Variants in WDFY3 observed in about 807,000 individuals in gnomAD.
WDFY3 encodes the protein WD repeat and FYVE domain containing 3, also known as WD repeat and FYVE domain-containing protein 3.
A neutral mutation model predicts 409.6 loss-of-function variants in WDFY3; 66 were observed. The observed-to-expected ratio is 0.16, with a 90% CI of 0.13 to 0.20. The LOEUF (loss-of-function observed/expected upper bound fraction) is 0.20, where lower values mean the gene tolerates loss of function less well. Ranked by LOEUF, WDFY3 falls within the 10% of genes least tolerant of loss-of-function variation. The pLI, the probability that WDFY3 is intolerant of heterozygous loss-of-function variation, is 1.00. For synonymous variants in WDFY3, 1,521 were observed against 1,537.1 expected (o/e 0.99, Z 0.25); for missense variants, 3,031 against 4,298.1 (o/e 0.71, Z 8.24).
chr4:84,917,965 TC>T (rs1467399317), intron 2 of WDFY3, among the ~76,000 whole-genome samples: 1 of 152,114 alleles, frequency 6.6e-6, no homozygotes, highest in East Asian at 1.9e-4. Context: ...TAAACCTCAC[TC>T]ATAATAAGAA....
rs758128781 is a variant in WDFY3 at position 84,826,971 on chromosome 4, C to T, written c.967G>A (p.Ala323Thr). The T allele has an allele frequency of 6.2e-6, 10 of 1,607,094 alleles. No individual in the cohort carries two copies. In the African/African-American group the frequency reaches 1.1e-4, roughly 17 times the overall value. Residue 323 changes from alanine to threonine, a missense_variant, in exon 10 of 68, where the codon GCA becomes ACA. Ala to Thr is a moderately conservative substitution (Grantham distance 58, BLOSUM62 0). This residue lies in a region of WDFY3 where 1,322 missense variants were observed against 1,697.9 expected (regional missense o/e 0.78). Coordinates refer to ENST00000295888, the MANE Select transcript of WDFY3 (RefSeq NM_014991.6). ...GCATCTTTGGATTCTGCCTCTTTTGCTTGTTCCAATCTAGAAAAGTATGAT... is the reference window on the plus strand; with the variant it reads ...GCATCTTTGGATTCTGCCTCTTTTGTTTGTTCCAATCTAGAAAAGTATGAT... ...LCDLLLRLEQ[A>T]KEAESKDALK... is the part of the protein sequence containing the mutation.
At chr4:84,859,690 C>G (rs1760295850) in intron 4 of WDFY3, among the ~76,000 whole-genome samples, 3 of 152,178 alleles carry the variant, frequency 2.0e-5, no homozygotes, top group Admixed American at 1.3e-4. Context: ...ATTCTCCTGC[C>G]TCAGCCTCCC....
intron 62 of WDFY3, among the ~76,000 whole-genome samples, chr4:84,684,491 C>T (rs988436004): frequency 2.0e-5 from 3 of 152,182 alleles, no homozygotes; most frequent in East Asian, 1.9e-4. Context: ...AAATCTATTA[C>T]GCCTTTCATC....
At chr4:84,933,229 C>G (rs1357693286) in intron 1 of WDFY3, among the ~76,000 whole-genome samples, 1 of 151,960 alleles carries the variant, frequency 6.6e-6, no homozygotes, top group East Asian at 1.9e-4. Flanking sequence ...ATAGTTCAAA[C>G]AAAATCATTC....
chr4:84,789,662 C>CAA (rs1748151655), intron 22 of WDFY3, 64 bp downstream of exon 22: 1 of 1,524,930 alleles, frequency 6.6e-7, no homozygotes, highest in African/African-American at 1.4e-5. Flanking sequence ...CACACACACA[C>CAA]ACACACACCC....
intron 50 of WDFY3, among the ~76,000 whole-genome samples, chr4:84,713,884 C>T (rs1421620503): frequency 3.3e-5 from 5 of 151,904 alleles, no homozygotes; most frequent in African/African-American, 7.3e-5. Flanking sequence ...TTTGGGAGGC[C>T]GAGGCGGGCA....
intron 3 of WDFY3, chr4:84,886,545 AT>A (rs1764253363): frequency 6.6e-6 from 1 of 152,068 alleles, no homozygotes; most frequent in East Asian, 1.9e-4. Context: ...CAACACAGCC[AT>A]TTTGGTCCTT....
intron 54 of WDFY3, 26 bp from the exon 55 acceptor site, chr4:84,704,470 T>C: frequency 6.6e-7 from 1 of 1,513,456 alleles, no homozygotes; most frequent in Non-Finnish European, 9.0e-7. Context: ...AAAGCACAAT[T>C]GAAACCAAAA....
intron 67 of WDFY3, 107 bp downstream of exon 67, chr4:84,677,092 A>C (rs1015089410): frequency 2.2e-5 from 28 of 1,290,606 alleles, no homozygotes; most frequent in Non-Finnish European, 3.0e-5. Context: ...CCAACAAGGC[A>C]TACTGTAGTG....
intron 32 of WDFY3, among the ~76,000 whole-genome samples, chr4:84,764,537 A>G (rs541005256): frequency 4.8e-4 from 73 of 152,280 alleles, no homozygotes; most frequent in South Asian, 8.3e-4. Context: ...CACATCTGAA[A>G]TAACAATACA....
intron 61 of WDFY3, among the ~76,000 whole-genome samples, chr4:84,690,040 A>G (rs551372528): frequency 6.6e-6 from 1 of 152,330 alleles, no homozygotes; most frequent in Non-Finnish European, 1.5e-5. Context: ...AATACTCGTT[A>G]ATTAAATCAT....
At chr4:84,704,704 A>T (rs1731628962) in intron 54 of WDFY3, among the ~76,000 whole-genome samples, 2 of 152,220 alleles carry the variant, frequency 1.3e-5, no homozygotes, top group Non-Finnish European at 2.9e-5. Flanking sequence ...TTTGAGGCTT[A>T]CTATAATAGT....
At chr4:84,844,491 A>G in intron 5 of WDFY3, 2 of 1,289,708 alleles carry the variant, frequency 1.6e-6, no homozygotes, top group Non-Finnish European at 2.0e-6. Context: ...CTTGGGGGAC[A>G]GCAGGGCACA....
chr4:84,711,689 A>G (rs1416475390), intron 51 of WDFY3, among the ~76,000 whole-genome samples: 7 of 152,034 alleles, frequency 4.6e-5, no homozygotes, highest in Admixed American at 4.6e-4. Flanking sequence ...CATCACTACT[A>G]AAAATACAAA....
At chr4:84,849,845 T>A in intron 5 of WDFY3, 57 bp downstream of exon 5, 3 of 1,596,270 alleles carry the variant, frequency 1.9e-6, no homozygotes, top group South Asian at 1.1e-5. Flanking sequence ...ATGGGACTTT[T>A]ACAGAACTGC....
intron 58 of WDFY3, 68 bp downstream of exon 58, chr4:84,695,902 T>C: frequency 7.1e-7 from 1 of 1,416,796 alleles, no homozygotes; most frequent in Non-Finnish European, 9.7e-7. Context: ...TTTGTGGTAA[T>C]CTACAATCTA....
intron 1 of WDFY3, among the ~76,000 whole-genome samples, chr4:84,960,900 A>G (rs1204576627): frequency 6.6e-6 from 1 of 152,208 alleles, no homozygotes; most frequent in Non-Finnish European, 1.5e-5. Context: ...GTGTAATTTA[A>G]TCCTTTGTCC....
intron 3 of WDFY3, among the ~76,000 whole-genome samples, chr4:84,887,248 AAT>A (rs1311164079): frequency 1.3e-5 from 2 of 152,204 alleles, no homozygotes; most frequent in African/African-American, 4.8e-5. Flanking sequence ...AGGGAAACCT[AAT>A]CTAGCTTCAG....
At position 84,837,488 on chromosome 4, in the gene WDFY3, G is replaced by A. The variant is rs79830693; in HGVS notation, c.415-398C>T. ...TACACCCTTCTCATGGCTAACATGA[G>A]AGTTATGTAAGATAATACATACAAA... On this transcript the variant is annotated intron_variant, in intron 6 of 67. Transcript: ENST00000295888. 6.6e-5 allele frequency among the ~76,000 whole-genome samples: 10 copies of A among 152,178 alleles called. No homozygotes were observed. In the South Asian group the frequency reaches 2.1e-3, roughly 32 times the overall value.
Sources: gnomAD v4.1 joint callset for allele counts (sites outside exome capture counted in the v4.1 genomes callset) on GRCh38, gnomAD v4.1.1 for gene constraint, gnomAD v4.1.1 regional missense constraint, MANE v1.5 for transcripts, NCBI Gene and HGNC (gene_info 2026-07-23, HGNC 2026-07-21) for gene names.